NEK8: variants seen among roughly 807,000 people sequenced by gnomAD.
NEK8 encodes NIMA related kinase 8, also known as serine/threonine-protein kinase Nek8.
In NEK8, 51 loss-of-function variants were observed where a neutral mutation model predicts 77.2. The ratio of observed to expected loss-of-function variants is 0.66; its 90% confidence interval spans 0.53 to 0.83. NEK8 has a LOEUF of 0.83. Among genes scored for constraint, NEK8 ranks in the 40% least tolerant of loss-of-function variants. The probability of loss-of-function intolerance (pLI) is 0.00; values close to 1 mark genes in which losing one functional copy is unlikely to be tolerated. For synonymous variants in NEK8, 365 were observed against 363.2 expected (o/e 1.00, Z -0.06); for missense variants, 787 against 909.2 (o/e 0.87, Z 1.73).
chr17:28,741,682 G>A lies in NEK8; in HGVS notation c.2050+111G>A, dbSNP rs1304104217. ...TCACCAAAAGCATCTTTAGCCCCCA[G>A]ATAAAAAAAGCAGAAGCTGCGGTTG... On this transcript the variant is annotated intron_variant, in intron 14 of 14. Coordinates refer to ENST00000268766, the MANE Select transcript of NEK8 (RefSeq NM_178170.3). This position sits in a 1 kb window ranked among gnomAD's most constrained non-coding sequence, Gnocchi z 4.5. 5 of 1,344,292 alleles carry A rather than the reference G, an allele frequency of 3.7e-6. No homozygotes were observed. Among genetic ancestry groups the A allele is most frequent in the Non-Finnish European group, 5.3e-6 (5 of 941,656 alleles). 83.3% of individuals were successfully genotyped at this position (1,344,292 alleles called of 1,614,324 possible). A position where few individuals can be genotyped will look rare whatever the true frequency, so the allele number is the denominator to read the frequency against.
rs1426702631 is a variant in NEK8, at chr17:28,741,406, C to T, written c.1892-7C>T. On this transcript the variant is annotated splice_polypyrimidine_tract_variant and splice_region_variant and intron_variant, in intron 13 of 14. Coordinates refer to ENST00000268766, the MANE Select transcript of NEK8 (RefSeq NM_178170.3). This position sits in a 1 kb window ranked among gnomAD's most constrained non-coding sequence, Gnocchi z 4.5. ...CCCACTTCCCTCCTGGGGATTCTTC[C>T]TGGCAGAGAGCGAAGTGTACTCTTG... 4 of 1,613,628 alleles carry T rather than the reference C, an allele frequency of 2.5e-6. No individual in the cohort carries two copies. The highest frequency in any genetic ancestry group is 1.3e-5 in the African/African-American group (1 of 74,916).
Position 28,737,168 on chromosome 17 carries a change from C to T in NEK8, c.619-138C>T. On this transcript the variant is annotated intron_variant, in intron 4 of 14. Transcript: ENST00000268766. The surrounding 1 kb of genome is among the most constrained non-coding windows in gnomAD (Gnocchi z 4.8). ...TACCAGTACCATGCTGTTTTGGTTA[C>T]TGTAGCCTTGTAGTATAGTTTGAAG... The T allele has an allele frequency of 1.2e-6, 1 of 844,370 alleles. No individual in the cohort carries two copies. The highest frequency in any genetic ancestry group is 1.9e-6 in the Non-Finnish European group (1 of 517,674). The allele number at this position is 844,370 out of a possible 1,614,324, so 52.3% of individuals were successfully genotyped here.
Position 28,734,822 on chromosome 17 carries a change from G to T in NEK8, c.304G>T (p.Glu102Ter). ...IQKRCNSLLE[E>*]ETILHFFVQI... The stretch of plus-strand genomic sequence containing the variant: ...AAAGCGCTGTAATTCCCTGCTGGAG[G>T]AGGAGACCATCCTGCACTTCTTCGT... The change falls in exon 3 of 15, where the codon GAG becomes TAG. Residue 102 changes from glutamate (E) to a stop codon, truncating the protein, a stop_gained. Transcript: ENST00000268766. LOFTEE classifies it high-confidence loss of function. The T allele has an allele frequency of 1.9e-6, 3 of 1,613,894 alleles. No homozygotes were observed. Among genetic ancestry groups the T allele is most frequent in the Non-Finnish European group, 1.7e-6 (2 of 1,180,026 alleles).
chr17:28,741,358 T>A lies in NEK8; in HGVS notation c.1892-55T>A. On this transcript the variant is annotated intron_variant, in intron 13 of 14. Transcript: ENST00000268766. This position sits in a 1 kb window ranked among gnomAD's most constrained non-coding sequence, Gnocchi z 4.5. ...CATCCTGGCAATGTGGGAGGGGAGA[T>A]CCTGCTCGGGCTGTGCCCACTTCCC... is the stretch of plus-strand genomic sequence containing the variant. The A allele has an allele frequency of 6.2e-7, 1 of 1,603,732 alleles. No homozygotes were observed. The highest frequency in any genetic ancestry group is 8.5e-7 in the Non-Finnish European group (1 of 1,174,692).
chr17:28,740,392 G>C lies in NEK8; in HGVS notation c.1418-71G>C. The C allele has an allele frequency of 1.5e-6, 2 of 1,367,494 alleles. No individual in the cohort carries two copies. The highest frequency in any genetic ancestry group is 2.1e-6 in the Non-Finnish European group (2 of 955,402). The allele number at this position is 1,367,494 out of a possible 1,614,324, so 84.7% of individuals were successfully genotyped here. A position where few individuals can be genotyped will look rare whatever the true frequency, so the allele number is the denominator to read the frequency against. On this transcript the variant is annotated intron_variant, in intron 10 of 14. Transcript: ENST00000268766. This position sits in a 1 kb window ranked among gnomAD's most constrained non-coding sequence, Gnocchi z 4.7. Reference sequence around the variant, plus strand: ...GAACTCATGCTGTTCCCTCCCCTCAGTGGGCCCTCCTCATTCGGGCATCAC... The same window carrying C: ...GAACTCATGCTGTTCCCTCCCCTCACTGGGCCCTCCTCATTCGGGCATCAC...
rs1224755004 is a variant in NEK8, at chr17:28,737,368, C to T, written c.681C>T (p.Tyr227=). ...SGTFAPISDR[Y]SPELRQLVLS... is the part of the protein sequence containing the mutation. ...CCTTTGCACCTATCTCTGACCGGTA[C>T]AGCCCTGAGCTTCGCCAGCTGGTCC... Residue 227 remains tyrosine, a synonymous_variant, in exon 5 of 15, where the codon TAC becomes TAT. Coordinates refer to ENST00000268766, the MANE Select transcript of NEK8 (RefSeq NM_178170.3). This position sits in a 1 kb window ranked among gnomAD's most constrained non-coding sequence, Gnocchi z 4.8. The T allele has an allele frequency of 3.7e-6, 6 of 1,613,904 alleles. No homozygotes were observed. Among genetic ancestry groups the T allele is most frequent in the Non-Finnish European group, 8.5e-7 (1 of 1,180,026 alleles).
At chr17:28,728,969 A>T (rs1340403107) in intron 1 of NEK8, 109 bp downstream of exon 1, 1 of 1,051,594 alleles carries the variant, frequency 9.5e-7, no homozygotes, top group Non-Finnish European at 1.4e-6. Context: ...CGTGAGCGCC[A>T]CTCTGGGAAG....
chr17:28,741,255 G>C lies in NEK8; in HGVS notation c.1891+19G>C. ...GGGGCAGGTGAGGACTGAGCATGGT[G>C]GGGGCAGACAGTGCCATGAGCAGTG... is the stretch of plus-strand genomic sequence containing the variant. On this transcript the variant is annotated intron_variant, in intron 13 of 14. Coordinates refer to ENST00000268766, the MANE Select transcript of NEK8 (RefSeq NM_178170.3). The surrounding 1 kb of genome is among the most constrained non-coding windows in gnomAD (Gnocchi z 4.5). The C allele has an allele frequency of 6.3e-7, 1 of 1,598,690 alleles. No individual in the cohort carries two copies. The highest frequency in any genetic ancestry group is 1.1e-5 in the South Asian group (1 of 88,726).
At chr17:28,735,204 C>CAGGGTCACCA (rs760667292) in intron 3 of NEK8, 36 bp from the exon 4 acceptor site, 4 of 1,613,332 alleles carry the variant, frequency 2.5e-6, no homozygotes, top group Non-Finnish European at 3.4e-6. Context: ...GGTCTTCCCT[C>CAGGGTCACCA]CCTGCAGGGC....
At chr17:28,735,452 T>G in intron 4 of NEK8, 81 bp downstream of exon 4, 2 of 1,485,904 alleles carry the variant, frequency 1.3e-6, no homozygotes, top group Non-Finnish European at 1.8e-6. Flanking sequence ...CACCTCAGGT[T>G]TCTCCTCTAG....
intron 2 of NEK8, 180 bp downstream of exon 2, chr17:28,734,368 A>T: frequency 1.6e-6 from 1 of 643,742 alleles, no homozygotes; most frequent in East Asian, 2.7e-5. Flanking sequence ...TGTTCCATAC[A>T]TAAAAGGAGA....
chr17:28,728,901 G>C, intron 1 of NEK8, 41 bp downstream of exon 1: 1 of 1,517,452 alleles, frequency 6.6e-7, no homozygotes, highest in Non-Finnish European at 9.0e-7. Flanking sequence ...TAGGGGATAG[G>C]GAAAATAAGC....
intron 1 of NEK8, among the ~76,000 whole-genome samples, chr17:28,730,871 T>G (rs922858519): frequency 2.6e-5 from 4 of 151,964 alleles, no homozygotes; most frequent in Admixed American, 1.3e-4. Context: ...TGTAGTAAGC[T>G]GAGATGAGAC....
At position 28,741,924 on chromosome 17, in the gene NEK8, A is replaced by G; in HGVS notation, c.2051-35A>G. 1 of 1,613,544 alleles carries G rather than the reference A, an allele frequency of 6.2e-7. No individual in the cohort carries two copies. The highest frequency in any genetic ancestry group is 8.5e-7 in the Non-Finnish European group (1 of 1,179,444). On this transcript the variant is annotated intron_variant, in intron 14 of 14. Coordinates refer to ENST00000268766, the MANE Select transcript of NEK8 (RefSeq NM_178170.3). This position sits in a 1 kb window ranked among gnomAD's most constrained non-coding sequence, Gnocchi z 4.5. ...GATGATTTCTGGAGGCACTGCCCTC[A>G]GAAGCTGCAAGGGTTTCTCTTCGGT...
In NEK8 at chr17:28,741,836, G is replaced by A. The variant is rs1486306820; in HGVS notation, c.2051-123G>A. 7.2e-6 allele frequency: 8 copies of A among 1,108,864 alleles called. No individual in the cohort carries two copies. The highest frequency in any genetic ancestry group is 1.1e-5 in the Non-Finnish European group (8 of 722,428). The allele number at this position is 1,108,864 out of a possible 1,614,324, so 68.7% of individuals were successfully genotyped here. ...CCTACTGCTGAGTCCCGTTGATGCT[G>A]AAACTCTCTTTCTGGCCTAACAGGG... On this transcript the variant is annotated intron_variant, in intron 14 of 14. Coordinates refer to ENST00000268766, the MANE Select transcript of NEK8 (RefSeq NM_178170.3). This position sits in a 1 kb window ranked among gnomAD's most constrained non-coding sequence, Gnocchi z 4.5.
At chr17:28,735,025 C>A in intron 3 of NEK8, 21 bp downstream of exon 3, 1 of 1,579,992 alleles carries the variant, frequency 6.3e-7, no homozygotes, top group Non-Finnish European at 8.7e-7. Context: ...ATGGAAGGGA[C>A]CTCCAGGGCA....
At chr17:28,732,030 A>G (rs1470821522) in intron 1 of NEK8, among the ~76,000 whole-genome samples, 34 of 138,790 alleles carry the variant, frequency 2.4e-4, no homozygotes, top group Non-Finnish European at 1.5e-5. Context: ...TCACGGGTTC[A>G]CGCCATTCTA....
At chr17:28,730,828 T>C (rs1253713960) in intron 1 of NEK8, among the ~76,000 whole-genome samples, 1 of 151,628 alleles carries the variant, frequency 6.6e-6, no homozygotes, top group African/African-American at 2.4e-5. Flanking sequence ...GAGGCTGAGG[T>C]GGGAGGATCA....
At chr17:28,736,574 T>C (rs1479372104) in intron 4 of NEK8, among the ~76,000 whole-genome samples, 1 of 152,256 alleles carries the variant, frequency 6.6e-6, no homozygotes, top group East Asian at 1.9e-4. Flanking sequence ...AATGTCTTCT[T>C]TTGAGAAGTG....
Sources: gnomAD v4.1 joint callset for allele counts (sites outside exome capture counted in the v4.1 genomes callset) on GRCh38, gnomAD v4.1.1 for gene constraint, Gnocchi (gnomAD v3.1) non-coding constraint, MANE v1.5 for transcripts, NCBI Gene and HGNC (gene_info 2026-07-23, HGNC 2026-07-21) for gene names.